Variants in ADAMTS16 observed in about 807,000 individuals in gnomAD.
ADAMTS16 encodes the protein A disintegrin and metalloproteinase with thrombospondin motifs 16.
ADAMTS16 carries 94 observed loss-of-function variants against 145.8 expected under a neutral mutation model. The ratio of observed to expected loss-of-function variants is 0.64; its 90% CI spans 0.55 to 0.77. The LOEUF (loss-of-function observed/expected upper bound fraction) is 0.77, where lower values mean the gene tolerates loss of function less well. ADAMTS16 is among the 30% of genes least tolerant of loss of function. The pLI is 0.00. For synonymous variants in ADAMTS16, 659 were observed against 604.3 expected (o/e 1.09, Z -1.33); for missense variants, 1,585 against 1,591.5 (o/e 1.00, Z 0.07).
intron 9 of ADAMTS16, among the ~76,000 whole-genome samples, chr5:5,201,471 C>G (rs1264194110): frequency 1.3e-5 from 2 of 151,708 alleles, no homozygotes; most frequent in African/African-American, 4.8e-5. Context: ...TGAAATTTGA[C>G]AAGAAGAATT....
chr5:5,202,319 ATG>A (rs1735980365), intron 9 of ADAMTS16, among the ~76,000 whole-genome samples: 1 of 152,204 alleles, frequency 6.6e-6, no homozygotes, highest in African/African-American at 2.4e-5. Flanking sequence ...TTTGGACGAT[ATG>A]TGTATCTTGG....
Position 5,242,078 on chromosome 5 carries a change from G to A in ADAMTS16, c.2549G>A (p.Gly850Asp). 1 of 1,614,130 alleles carries A rather than the reference G, an allele frequency of 6.2e-7. No homozygotes were observed. The highest frequency in any genetic ancestry group is 8.5e-7 in the Non-Finnish European group (1 of 1,180,006). The change falls in exon 17 of 23, where the codon GGT becomes GAT. Residue 850 changes from glycine to aspartate, a missense_variant. By Grantham distance (94) the Gly-to-Asp change is moderately conservative. Coordinates refer to ENST00000274181, the MANE Select transcript of ADAMTS16 (RefSeq NM_139056.4). Reference protein sequence around the residue: ...VELLFQGRNPGVAWEYSMPRL... With the variant: ...VELLFQGRNPDVAWEYSMPRL... ...CTGCTGTTTCAGGGAAGGAACCCGG[G>A]TGTTGCCTGGGAATACTCCATGCCT...
intron 3 of ADAMTS16, among the ~76,000 whole-genome samples, chr5:5,166,349 C>G (rs1381446092): frequency 2.6e-5 from 4 of 152,160 alleles, no homozygotes; most frequent in Non-Finnish European, 5.9e-5. Context: ...TGCACCAGCT[C>G]TCTGACCTCA....
At chr5:5,220,168 T>TTG (rs1553991760) in intron 10 of ADAMTS16, among the ~76,000 whole-genome samples, 12 of 147,674 alleles carry the variant, frequency 8.1e-5, no homozygotes, top group Non-Finnish European at 1.2e-4. Context: ...TTTTTTTTTT[T>TTG]TTTTTTTTTG....
At chr5:5,149,253 G>T (rs767900723) in intron 3 of ADAMTS16, among the ~76,000 whole-genome samples, 2 of 151,988 alleles carry the variant, frequency 1.3e-5, no homozygotes, top group African/African-American at 4.8e-5. Flanking sequence ...TTGGAAAAAG[G>T]GTCCCTGTTA....
Position 5,222,809 on chromosome 5 carries a change from G to C in ADAMTS16, c.1626G>C (p.Trp542Cys). ...DFKKDICKAL[W>C]CHRIGRKCET... is the part of the protein sequence containing the mutation. The stretch of plus-strand genomic sequence containing the variant: ...TTTAGGACATCTGTAAAGCCCTGTG[G>C]TGCCATCGTATTGGAAGGAAATGTG... Residue 542 changes from tryptophan to cysteine, a missense_variant, in exon 11 of 23, where the codon TGG becomes TGC. Trp to Cys is a radical substitution (Grantham distance 215, BLOSUM62 -2). Transcript: ENST00000274181. 2 of 1,614,062 alleles carry C rather than the reference G, an allele frequency of 1.2e-6. No homozygotes were observed. Among genetic ancestry groups the C allele is most frequent in the South Asian group, 1.1e-5 (1 of 91,082 alleles).
chr5:5,216,013 T>A (rs1736429421), intron 10 of ADAMTS16, among the ~76,000 whole-genome samples: 1 of 151,000 alleles, frequency 6.6e-6, no homozygotes, highest in Non-Finnish European at 1.5e-5. Flanking sequence ...TATGTGCAAG[T>A]ATCTTTTTTG....
intron 18 of ADAMTS16, among the ~76,000 whole-genome samples, chr5:5,296,976 C>T (rs1739565374): frequency 6.6e-6 from 1 of 152,170 alleles, no homozygotes; most frequent in Non-Finnish European, 1.5e-5. Context: ...CCTTCCAGCA[C>T]AGAAACCTGA....
chr5:5,141,371 G>A (rs1290741628), intron 2 of ADAMTS16, among the ~76,000 whole-genome samples: 1 of 152,072 alleles, frequency 6.6e-6, no homozygotes, highest in Admixed American at 6.5e-5. Flanking sequence ...TTGACATGAG[G>A]GCAAGTCTTA....
chr5:5,226,385 A>G (rs1736767639), intron 11 of ADAMTS16, among the ~76,000 whole-genome samples: 1 of 152,102 alleles, frequency 6.6e-6, no homozygotes, highest in Non-Finnish European at 1.5e-5. Context: ...ATCAGATCCC[A>G]TGAGACTTAT....
intron 3 of ADAMTS16, among the ~76,000 whole-genome samples, chr5:5,158,455 C>G (rs1734657833): frequency 6.6e-6 from 1 of 151,848 alleles, no homozygotes; most frequent in Non-Finnish European, 1.5e-5. Flanking sequence ...TGCAAAAGGC[C>G]CAATCTAAAA....
intron 3 of ADAMTS16, among the ~76,000 whole-genome samples, chr5:5,179,717 C>T (rs184114371): frequency 6.4e-4 from 97 of 152,302 alleles, no homozygotes; most frequent in Non-Finnish European, 1.1e-3. Context: ...GCTGCCTCTG[C>T]CCTCTCCCTC....
At chr5:5,226,762 A>G (rs983481584) in intron 11 of ADAMTS16, among the ~76,000 whole-genome samples, 1 of 152,128 alleles carries the variant, frequency 6.6e-6, no homozygotes, top group African/African-American at 2.4e-5. Context: ...ACTGATATTT[A>G]TTTCATTTTT....
intron 13 of ADAMTS16, among the ~76,000 whole-genome samples, chr5:5,236,475 C>T (rs1014821262): frequency 2.6e-4 from 40 of 152,066 alleles, no homozygotes; most frequent in African/African-American, 8.5e-4. Flanking sequence ...ACATTGTTCT[C>T]GAGACTTCAT....
intron 4 of ADAMTS16, among the ~76,000 whole-genome samples, chr5:5,184,360 C>T (rs959320310): frequency 7.2e-5 from 11 of 152,220 alleles, no homozygotes; most frequent in African/African-American, 2.2e-4. Flanking sequence ...ATGGATGTAC[C>T]GCAGGGCCTC....
At chr5:5,211,543 C>A (rs1736271556) in intron 10 of ADAMTS16, among the ~76,000 whole-genome samples, 1 of 152,062 alleles carries the variant, frequency 6.6e-6, no homozygotes, top group South Asian at 2.1e-4. Flanking sequence ...TTGTTGGATT[C>A]TTTTCTATTT....
At chr5:5,249,216 A>T (rs957941936) in intron 17 of ADAMTS16, among the ~76,000 whole-genome samples, 2 of 152,218 alleles carry the variant, frequency 1.3e-5, no homozygotes, top group African/African-American at 4.8e-5. Context: ...GTGTATTGTC[A>T]TAAAAAGTCT....
rs753772701 is a variant in ADAMTS16, at chr5:5,235,134, C to G, written c.1971C>G (p.Ser657Arg). 5.6e-6 allele frequency: 9 copies of G among 1,596,146 alleles called. No individual in the cohort carries two copies. In the East Asian group the frequency reaches 1.8e-4, roughly 32 times the overall value. The part of the protein sequence containing the change: ...FRAAQCAEHN[S>R]RRFRGRHYKW... The stretch of plus-strand genomic sequence containing the variant: ...CTGCTCAGTGTGCCGAGCACAACAG[C>G]AGACGATTCAGAGGGCGGCACTACA... The change falls in exon 13 of 23, where the codon AGC (serine) becomes AGG (arginine). Residue 657 changes from serine to arginine, a missense_variant. Transcript: ENST00000274181.
chr5:5,159,653 G>A (rs1423357820), intron 3 of ADAMTS16, among the ~76,000 whole-genome samples: 2 of 152,212 alleles, frequency 1.3e-5, no homozygotes, highest in Non-Finnish European at 2.9e-5. Context: ...AGATGGGATG[G>A]CAATAGGATT....
Sources: allele counts gnomAD v4.1 joint callset (sites outside exome capture counted in the v4.1 genomes callset), GRCh38; gene constraint gnomAD v4.1.1; transcripts MANE v1.5; gene names NCBI Gene and HGNC (gene_info 2026-07-23, HGNC 2026-07-21).